Variants in OTOP1 observed in about 807,000 individuals in gnomAD.
The protein encoded by OTOP1 is otopetrin 1, also known as proton channel OTOP1.
Under a neutral mutation model 52.9 loss-of-function variants are expected in OTOP1, and 59 were observed. That is an observed-to-expected ratio of 1.12 (90% CI 0.91 to 1.39). The LOEUF (loss-of-function observed/expected upper bound fraction) is 1.39, where lower values mean the gene tolerates loss of function less well. Among genes scored for constraint, OTOP1 ranks in the 40% most tolerant of loss-of-function variants. The pLI, the probability that OTOP1 is intolerant of heterozygous loss-of-function variation, is 0.00. For synonymous variants in OTOP1, 317 were observed against 337.7 expected, an observed-to-expected ratio of 0.94 and a Z score of 0.67; for missense variants, 761 against 800.9, an observed-to-expected ratio of 0.95 and a Z score of 0.60.
rs1560203440 is a variant in OTOP1, at chr4:4,189,039, C to T, written c.1669-66G>A. 7.4e-6 allele frequency: 11 copies of T among 1,496,326 alleles called. No individual in the cohort carries two copies. In the South Asian group the frequency reaches 7.4e-5, roughly 10 times the overall value. 92.7% of individuals were successfully genotyped at this position (1,496,326 alleles called of 1,614,324 possible). On this transcript the variant is annotated intron_variant, in intron 5 of 5. Coordinates refer to ENST00000296358, the MANE Select transcript of OTOP1 (RefSeq NM_177998.3). ...TCCAAGCCACCACGGAGGCCCCACTCAAGTCCCAGGCCTCATGGGAGCTGA... is the reference window on the plus strand; with the variant it reads ...TCCAAGCCACCACGGAGGCCCCACTTAAGTCCCAGGCCTCATGGGAGCTGA...
chr4:4,199,229 T>TGAGA (rs1299646510), intron 4 of OTOP1, among the ~76,000 whole-genome samples: 2 of 97,706 alleles, frequency 2.0e-5, no homozygotes, highest in Admixed American at 2.0e-4. Context: ...ATTGTGTGTG[T>TGAGA]GTGTGAGAGA....
chr4:4,192,785 C>T (rs1291096015), intron 5 of OTOP1, among the ~76,000 whole-genome samples: 2 of 152,132 alleles, frequency 1.3e-5, no homozygotes, highest in Non-Finnish European at 2.9e-5. Context: ...TGAAATAACC[C>T]AGTCACAAAA....
At chr4:4,194,813 C>T (rs371035697) in intron 5 of OTOP1, among the ~76,000 whole-genome samples, 7 of 152,304 alleles carry the variant, frequency 4.6e-5, no homozygotes, top group Admixed American at 6.5e-5. Context: ...GAGACTCATG[C>T]GGTGGCAAAG....
intron 1 of OTOP1, among the ~76,000 whole-genome samples, chr4:4,215,027 A>G (rs1209594495): frequency 2.6e-5 from 4 of 152,228 alleles, no homozygotes; most frequent in African/African-American, 9.6e-5. Context: ...CATGCCTGTA[A>G]TCCCAGCACT....
intron 2 of OTOP1, among the ~76,000 whole-genome samples, chr4:4,207,746 A>G (rs1716937818): frequency 6.6e-6 from 1 of 152,202 alleles, no homozygotes; most frequent in Non-Finnish European, 1.5e-5. Context: ...TCAAAATGTA[A>G]TATAAACCAA....
chr4:4,196,561 A>T (rs2108796551), intron 5 of OTOP1, among the ~76,000 whole-genome samples: 1 of 152,144 alleles, frequency 6.6e-6, no homozygotes, highest in South Asian at 2.1e-4. Context: ...CTGTCTCAAA[A>T]AAAGAGAGTT....
intron 5 of OTOP1, among the ~76,000 whole-genome samples, chr4:4,196,131 G>T (rs1351394753): frequency 6.6e-6 from 1 of 152,186 alleles, no homozygotes; most frequent in African/African-American, 2.4e-5. Flanking sequence ...TAAAGAAAAT[G>T]TATTATGGAC....
intron 5 of OTOP1, 61 bp downstream of exon 5, chr4:4,197,105 G>C: frequency 1.3e-6 from 2 of 1,501,288 alleles, no homozygotes; most frequent in Non-Finnish European, 1.8e-6. Context: ...TGTACCCCTT[G>C]AACCGAAAAT....
intron 2 of OTOP1, among the ~76,000 whole-genome samples, chr4:4,207,637 C>A (rs914842437): frequency 2.0e-5 from 3 of 151,898 alleles, no homozygotes; most frequent in African/African-American, 7.2e-5. Context: ...AAAGCAAGTT[C>A]TCACAAAGAT....
Position 4,197,706 on chromosome 4 carries a change from C to T in OTOP1, c.1128G>A (p.Glu376=). The part of the protein sequence containing the change: ...LAGIRIYRID[E]KSLDESKNPA... ...GATTTTTGGACTCATCCAGTGACTT[C>T]TCGTCTATCCTGTAAATCCGGATTC... Residue 376 remains glutamate, a synonymous_variant, in exon 5 of 6, where the codon GAG becomes GAA. Transcript: ENST00000296358. The T allele has an allele frequency of 1.2e-6, 2 of 1,613,884 alleles. No individual in the cohort carries two copies. Among genetic ancestry groups the T allele is most frequent in the Non-Finnish European group, 1.7e-6 (2 of 1,180,008 alleles).
At chr4:4,223,578 C>A (rs2980149) in intron 1 of OTOP1, among the ~76,000 whole-genome samples, 7 of 151,968 alleles carry the variant, frequency 4.6e-5, no homozygotes, top group African/African-American at 1.7e-4. Context: ...GAAGGAGGAG[C>A]AGAAGGAGAA....
At chr4:4,208,857 A>C (rs1424787642) in intron 2 of OTOP1, among the ~76,000 whole-genome samples, 1 of 152,222 alleles carries the variant, frequency 6.6e-6, no homozygotes, top group East Asian at 1.9e-4. Flanking sequence ...AAGAATTACA[A>C]TCCAGAACGC....
chr4:4,225,537 C>T (rs1056233147), intron 1 of OTOP1, among the ~76,000 whole-genome samples: 10 of 138,532 alleles, frequency 7.2e-5, no homozygotes, highest in African/African-American at 1.1e-4. Context: ...CCACTGCACT[C>T]CAGCCTGGGA....
At chr4:4,218,345 T>C (rs1385379165) in intron 1 of OTOP1, among the ~76,000 whole-genome samples, 4 of 150,234 alleles carry the variant, frequency 2.7e-5, no homozygotes, top group African/African-American at 9.8e-5. Flanking sequence ...TGAACCGAGA[T>C]TGCGCCATTG....
intron 2 of OTOP1, among the ~76,000 whole-genome samples, chr4:4,206,650 G>A (rs564302155): frequency 1.3e-5 from 2 of 152,240 alleles, no homozygotes; most frequent in African/African-American, 2.4e-5. Flanking sequence ...AGCAGCATAC[G>A]GGGAAGGGAC....
intron 2 of OTOP1, 103 bp from the exon 3 acceptor site, chr4:4,206,233 G>C (rs1303423312): frequency 3.2e-6 from 3 of 950,460 alleles, no homozygotes; most frequent in Non-Finnish European, 4.8e-6. Context: ...ATGAGAAAAT[G>C]CTGGGACATC....
At chr4:4,202,629 C>A in intron 3 of OTOP1, 51 bp from the exon 4 acceptor site, 1 of 1,604,998 alleles carries the variant, frequency 6.2e-7, no homozygotes, top group Non-Finnish European at 8.5e-7. Flanking sequence ...GAGCCTCAGG[C>A]ACCATGGGGT....
At chr4:4,202,315 T>C (rs906259800) in intron 4 of OTOP1, 133 bp downstream of exon 4, 1 of 1,247,196 alleles carries the variant, frequency 8.0e-7, no homozygotes, top group Non-Finnish European at 1.1e-6. Context: ...CAGCGGGCTG[T>C]CTGGCTGATG....
Position 4,219,927 on chromosome 4 carries a change from A to G in OTOP1, c.403+6535T>C, listed in dbSNP as rs371704440. The stretch of plus-strand genomic sequence containing the variant: ...CATATATGTGTGTATATACGTATAC[A>G]TGTATACATATATACACATATATAC... On this transcript the variant is annotated intron_variant, in intron 1 of 5. Transcript: ENST00000296358. 1.2e-4 allele frequency among the ~76,000 whole-genome samples: 17 copies of G among 142,084 alleles called. No homozygotes were observed. The East Asian group carries it at 2.0e-3, about 16-fold the overall frequency. 93.2% of individuals were successfully genotyped at this position (142,084 alleles called of 152,430 possible).
Sources: gnomAD v4.1 joint callset for allele counts (sites outside exome capture counted in the v4.1 genomes callset) on GRCh38, gnomAD v4.1.1 for gene constraint, MANE v1.5 for transcripts, NCBI Gene and HGNC (gene_info 2026-07-23, HGNC 2026-07-21) for gene names.